The following RALGAPA2 variants were observed in gnomAD, a reference collection of about 807,000 sequenced individuals.
RALGAPA2 encodes the protein Ral GTPase activating protein catalytic subunit alpha 2.
Under a neutral mutation model 230.4 loss-of-function variants are expected in RALGAPA2, and 139 were observed. That is an observed-to-expected ratio of 0.60 (90% CI 0.53 to 0.69). The LOEUF is 0.69. Among genes scored for constraint, RALGAPA2 ranks in the 30% least tolerant of loss-of-function variants. The probability of loss-of-function intolerance (pLI) is 0.00; values close to 1 mark genes in which losing one functional copy is unlikely to be tolerated. For missense variants in RALGAPA2, 2,163 were observed against 2,276.0 expected, an observed-to-expected ratio of 0.95 and a Z score of 1.01; for synonymous variants, 847 against 837.8, an observed-to-expected ratio of 1.01 and a Z score of -0.19.
At chr20:20,612,740 G>C (rs949997647) in intron 13 of RALGAPA2, among the ~76,000 whole-genome samples, 1 of 152,192 alleles carries the variant, frequency 6.6e-6, no homozygotes, top group Admixed American at 6.5e-5. Flanking sequence ...ACTTTGAAGA[G>C]AACTGGGAGA....
chr20:20,595,935 C>T (rs1484117804), intron 16 of RALGAPA2, among the ~76,000 whole-genome samples: 1 of 150,440 alleles, frequency 6.6e-6, no homozygotes, highest in Non-Finnish European at 1.5e-5. Flanking sequence ...GCCTGAGGTA[C>T]AAAGCAAGAC....
chr20:20,676,313 TATC>T (rs1429062621), intron 2 of RALGAPA2, 25 bp from the exon 3 acceptor site: 5 of 1,480,328 alleles, frequency 3.4e-6, no homozygotes, highest in Non-Finnish European at 4.7e-6. Context: ...AATAATTAGT[TATC>T]ATGACATCAT....
At chr20:20,601,025 G>A (rs1029170879) in intron 16 of RALGAPA2, among the ~76,000 whole-genome samples, 14 of 152,012 alleles carry the variant, frequency 9.2e-5, no homozygotes, top group South Asian at 4.2e-4. Flanking sequence ...GCTTGAACCC[G>A]GAAGGCAGAG....
At chr20:20,640,944 C>T in intron 5 of RALGAPA2, 66 bp from the exon 6 acceptor site, 3 of 1,384,544 alleles carry the variant, frequency 2.2e-6, no homozygotes, top group Non-Finnish European at 3.0e-6. Flanking sequence ...TACAATGTAG[C>T]ATCGGTCTTG....
intron 37 of RALGAPA2, among the ~76,000 whole-genome samples, chr20:20,470,090 T>C (rs892547183): frequency 2.0e-5 from 3 of 152,104 alleles, no homozygotes; most frequent in Non-Finnish European, 4.4e-5. Context: ...TTTTCAGTCT[T>C]CTATGTGCCT....
At chr20:20,470,783 A>C (rs1189986050) in intron 37 of RALGAPA2, 2 of 151,926 alleles carry the variant, frequency 1.3e-5, no homozygotes, top group African/African-American at 4.8e-5. Flanking sequence ...ACTGTTTTCC[A>C]TTTTATTTGT....
At chr20:20,405,453 G>A (rs2059925934) in intron 38 of RALGAPA2, among the ~76,000 whole-genome samples, 1 of 152,160 alleles carries the variant, frequency 6.6e-6, no homozygotes, top group Non-Finnish European at 1.5e-5. Context: ...GCCTCCAGGG[G>A]CAACAAGGAC....
intron 37 of RALGAPA2, among the ~76,000 whole-genome samples, chr20:20,460,746 C>T (rs771751339): frequency 2.0e-5 from 3 of 152,208 alleles, no homozygotes; most frequent in Admixed American, 6.5e-5. Flanking sequence ...AGGAAACTGG[C>T]GGTTCAGCTC....
In RALGAPA2 at chr20:20,635,767, T is replaced by A. The variant is rs75627890; in HGVS notation, c.806-150A>T. The A allele has an allele frequency of 2.7e-3, 1,705 of 638,206 alleles. 26 individuals carry two copies. In the African/African-American group the frequency reaches 0.029, roughly 11 times the overall value. 39.5% of individuals were successfully genotyped at this position (638,206 alleles called of 1,614,324 possible). On this transcript the variant is annotated intron_variant, in intron 8 of 39. Coordinates refer to ENST00000202677, the MANE Select transcript of RALGAPA2 (RefSeq NM_020343.4). ...GAACCGCAATTATTTAAAATGGCAT[T>A]TTTTTGGTAGGCTCCTTTCTGATTC...
At chr20:20,488,264 A>G (rs530707988) in intron 36 of RALGAPA2, among the ~76,000 whole-genome samples, 1 of 152,170 alleles carries the variant, frequency 6.6e-6, no homozygotes, top group South Asian at 2.1e-4. Context: ...CAAAGAGGGG[A>G]TTTTCCTCCA....
chr20:20,708,259 T>C (rs1320693804), intron 1 of RALGAPA2, among the ~76,000 whole-genome samples: 1 of 152,236 alleles, frequency 6.6e-6, no homozygotes, highest in Non-Finnish European at 1.5e-5. Context: ...AAATTGCACA[T>C]GTGGCTTACA....
At chr20:20,467,528 G>A (rs1303419656) in intron 37 of RALGAPA2, among the ~76,000 whole-genome samples, 2 of 152,136 alleles carry the variant, frequency 1.3e-5, no homozygotes, top group Admixed American at 6.5e-5. Flanking sequence ...CCAGATACAC[G>A]TGGCCCTGCA....
chr20:20,664,316 G>C (rs2146696657), intron 3 of RALGAPA2, among the ~76,000 whole-genome samples: 1 of 152,076 alleles, frequency 6.6e-6, no homozygotes, highest in Non-Finnish European at 1.5e-5. Context: ...AGATTTCAAG[G>C]TTATTTTTTC....
chr20:20,600,290 C>T (rs1034096589), intron 16 of RALGAPA2, among the ~76,000 whole-genome samples: 5 of 151,884 alleles, frequency 3.3e-5, no homozygotes, highest in Non-Finnish European at 5.9e-5. Context: ...CATGAGACTC[C>T]GACTCAAAAA....
At position 20,666,267 on chromosome 20, in the gene RALGAPA2, T is replaced by C. The variant is rs978734500; in HGVS notation, c.270+9969A>G. On this transcript the variant is annotated intron_variant, in intron 3 of 39. Transcript: ENST00000202677. ...TTCTCCAGAAAATCTGAATTGATAG[T>C]GGCTTTTTCTCAATTGCAATCAGTC... is the stretch of plus-strand genomic sequence containing the variant. Among the ~76,000 whole-genome samples the C allele has an allele frequency of 2.0e-5, 3 of 152,236 alleles. No homozygotes were observed. The East Asian group carries it at 5.8e-4, about 29-fold the overall frequency.
chr20:20,498,628 C>A (rs2062284688), intron 35 of RALGAPA2, among the ~76,000 whole-genome samples: 1 of 152,166 alleles, frequency 6.6e-6, no homozygotes, highest in Admixed American at 6.5e-5. Flanking sequence ...GCCTGACATC[C>A]CCATTGTTCA....
intron 4 of RALGAPA2, among the ~76,000 whole-genome samples, chr20:20,648,770 C>T (rs1178251888): frequency 6.6e-6 from 1 of 151,992 alleles, no homozygotes; most frequent in Non-Finnish European, 1.5e-5. Flanking sequence ...GACATGGCAG[C>T]AACCAGGAGG....
intron 36 of RALGAPA2, among the ~76,000 whole-genome samples, chr20:20,479,300 ACAG>A (rs1674371472): frequency 1.3e-5 from 2 of 152,210 alleles, no homozygotes; most frequent in South Asian, 4.1e-4. Flanking sequence ...GTATAGGAAA[ACAG>A]AAAATATACT....
intron 16 of RALGAPA2, among the ~76,000 whole-genome samples, chr20:20,597,885 C>T (rs2065509409): frequency 1.3e-5 from 2 of 151,926 alleles, no homozygotes; most frequent in Admixed American, 6.6e-5. Context: ...TCTACAACGC[C>T]AAATTTCTGA....
Sources: allele counts gnomAD v4.1 joint callset (sites outside exome capture counted in the v4.1 genomes callset), GRCh38; gene constraint gnomAD v4.1.1; transcripts MANE v1.5; gene names NCBI Gene and HGNC (gene_info 2026-07-23, HGNC 2026-07-21).